ZNF385D: variants seen among roughly 807,000 people sequenced by gnomAD.
The protein encoded by ZNF385D is zinc finger protein 659.
Under a neutral mutation model 35.8 loss-of-function variants are expected in ZNF385D, and 15 were observed. The observed-to-expected ratio is 0.42, with a 90% CI of 0.28 to 0.64. The LOEUF (loss-of-function observed/expected upper bound fraction) is 0.64, where lower values mean the gene tolerates loss of function less well. Ranked by LOEUF, ZNF385D falls within the 30% of genes least tolerant of loss-of-function variation. The pLI is 0.23. For missense variants in ZNF385D, 474 were observed against 494.6 expected, an observed-to-expected ratio of 0.96 and a Z score of 0.39; for synonymous variants, 212 against 186.8, an observed-to-expected ratio of 1.13 and a Z score of -1.10.
intron 3 of ZNF385D, among the ~76,000 whole-genome samples, chr3:22,088,060 G>A (rs1194407400): frequency 6.6e-6 from 1 of 152,146 alleles, no homozygotes; most frequent in African/African-American, 2.4e-5. Flanking sequence ...TATTGAAGGA[G>A]AGCTTTGTCT....
At chr3:22,020,379 A>G (rs1329628358) in intron 3 of ZNF385D, among the ~76,000 whole-genome samples, 1 of 151,926 alleles carries the variant, frequency 6.6e-6, no homozygotes, top group African/African-American at 2.4e-5. Context: ...TAGTTGAACC[A>G]CATGGGGAAC....
intron 2 of ZNF385D, among the ~76,000 whole-genome samples, chr3:22,322,326 T>C (rs544553501): frequency 5.9e-5 from 9 of 152,134 alleles, no homozygotes; most frequent in Non-Finnish European, 4.4e-5. Flanking sequence ...CAAATATATT[T>C]TTTTGTCTAC....
At chr3:22,030,186 G>T (rs1036884256) in intron 3 of ZNF385D, among the ~76,000 whole-genome samples, 9 of 142,974 alleles carry the variant, frequency 6.3e-5, no homozygotes, top group South Asian at 4.5e-4. Flanking sequence ...GGCTCTACTT[G>T]CTCCTCAGCT....
chr3:21,790,178 C>G (rs1478618895), intron 3 of ZNF385D, among the ~76,000 whole-genome samples: 2 of 151,782 alleles, frequency 1.3e-5, no homozygotes, highest in Non-Finnish European at 2.9e-5. Flanking sequence ...GAAGAAGTCT[C>G]GGGGGACAGA....
At chr3:21,524,755 T>G (rs1708123143) in intron 3 of ZNF385D, among the ~76,000 whole-genome samples, 1 of 152,060 alleles carries the variant, frequency 6.6e-6, no homozygotes, top group Non-Finnish European at 1.5e-5. Context: ...TTGTAGTGGA[T>G]GGAATTAACA....
chr3:22,243,355 C>T (rs1037290027), intron 2 of ZNF385D, among the ~76,000 whole-genome samples: 4 of 150,736 alleles, frequency 2.7e-5, no homozygotes, highest in Admixed American at 6.6e-5. Context: ...TGGCTACAAT[C>T]AAAAAGAATT....
chr3:21,600,438 G>T (rs1275276618), intron 2 of ZNF385D, among the ~76,000 whole-genome samples: 1 of 152,086 alleles, frequency 6.6e-6, no homozygotes, highest in Non-Finnish European at 1.5e-5. Context: ...AAGGTTAAAC[G>T]ATGCCTCTCA....
intron 3 of ZNF385D, chr3:21,978,196 T>G (rs920342318): frequency 6.6e-6 from 1 of 152,226 alleles, no homozygotes; most frequent in Non-Finnish European, 1.5e-5. Flanking sequence ...TGCTCTTTAC[T>G]GCAATCTCTT....
At chr3:21,787,934 T>G (rs1441762834) in intron 3 of ZNF385D, among the ~76,000 whole-genome samples, 78 of 97,990 alleles carry the variant, frequency 8.0e-4, no homozygotes, top group Non-Finnish European at 1.2e-3. Flanking sequence ...AGAGCGAGAC[T>G]TCGTCTCAAC....
intron 4 of ZNF385D, among the ~76,000 whole-genome samples, chr3:21,488,090 G>A (rs151282): frequency 0.22 from 33,904 of 151,866 alleles, 4,222 homozygotes; most frequent in African/African-American, 0.33. Context: ...CTCTTTCCTG[G>A]TTGAATAGTC....
At chr3:22,316,241 A>C (rs1156825776) in intron 2 of ZNF385D, among the ~76,000 whole-genome samples, 3 of 152,190 alleles carry the variant, frequency 2.0e-5, no homozygotes, top group Non-Finnish European at 4.4e-5. Context: ...TTCCATAAAA[A>C]ACCCCAGCCT....
chr3:21,810,840 G>C (rs547879286), intron 3 of ZNF385D, among the ~76,000 whole-genome samples: 5 of 151,822 alleles, frequency 3.3e-5, no homozygotes, highest in Admixed American at 6.6e-5. Flanking sequence ...ATACATTCCT[G>C]GTAGATATTC....
intron 3 of ZNF385D, among the ~76,000 whole-genome samples, chr3:21,860,931 G>A (rs1241580967): frequency 6.6e-6 from 1 of 152,084 alleles, no homozygotes; most frequent in African/African-American, 2.4e-5. Context: ...TAGTTGCCCT[G>A]ATTTCTTTTA....
intron 2 of ZNF385D, among the ~76,000 whole-genome samples, chr3:21,649,133 C>G (rs2065839872): frequency 6.6e-6 from 1 of 152,048 alleles, no homozygotes; most frequent in South Asian, 2.1e-4. Context: ...AGTACATAAT[C>G]TGATTTAATT....
chr3:21,724,196 C>A (rs1175836294), intron 1 of ZNF385D, among the ~76,000 whole-genome samples: 1 of 152,002 alleles, frequency 6.6e-6, no homozygotes. Context: ...ACTGCAAAAA[C>A]AAACCAAATT....
intron 1 of ZNF385D, among the ~76,000 whole-genome samples, chr3:21,684,978 C>T (rs2067058000): frequency 1.3e-5 from 2 of 152,072 alleles, no homozygotes; most frequent in East Asian, 1.9e-4. Context: ...TAAGCTAATG[C>T]TTTAGAGCAG....
intron 2 of ZNF385D, among the ~76,000 whole-genome samples, chr3:21,651,672 T>G (rs2065918008): frequency 1.3e-5 from 2 of 152,184 alleles, no homozygotes; most frequent in South Asian, 4.1e-4. Context: ...TAAACTGAAC[T>G]TCTTAACCTC....
chr3:21,918,064 G>C (rs1383497713), intron 3 of ZNF385D, among the ~76,000 whole-genome samples: 1 of 152,192 alleles, frequency 6.6e-6, no homozygotes, highest in Non-Finnish European at 1.5e-5. Flanking sequence ...GCAGAGTTTT[G>C]CAAGCTGGAA....
At chr3:21,452,634 T>C (rs968176524) in intron 4 of ZNF385D, among the ~76,000 whole-genome samples, 1 of 151,964 alleles carries the variant, frequency 6.6e-6, no homozygotes. Context: ...AATAAAATCT[T>C]AGGAATAAAT....
Sources: gnomAD v4.1 joint callset for allele counts (sites outside exome capture counted in the v4.1 genomes callset) on GRCh38, gnomAD v4.1.1 for gene constraint, MANE v1.5 for transcripts, NCBI Gene and HGNC (gene_info 2026-07-23, HGNC 2026-07-21) for gene names.